Variants in C4orf50 observed in about 807,000 individuals in gnomAD.
C4orf50 encodes the protein chromosome 4 open reading frame 50, also known as uncharacterized protein C4orf50.
C4orf50 carries 80 observed loss-of-function variants against 77.2 expected under a neutral mutation model. That is an observed-to-expected ratio of 1.04 (90% confidence interval 0.87 to 1.25). The LOEUF (loss-of-function observed/expected upper bound fraction) is 1.25. C4orf50 is among the 50% of genes most tolerant of loss of function. C4orf50 has a pLI of 0.00. For missense variants in C4orf50, 1,257 were observed against 1,152.9 expected, an observed-to-expected ratio of 1.09 and a Z score of -1.31; for synonymous variants, 532 against 465.3, an observed-to-expected ratio of 1.14 and a Z score of -1.84.
chr4:5,968,348 C>T (rs1432308227), intron 31 of C4orf50, among the ~76,000 whole-genome samples: 5 of 152,186 alleles, frequency 3.3e-5, no homozygotes, highest in African/African-American at 1.2e-4. Flanking sequence ...CTATGAGGGT[C>T]CCCTCTAACC....
intron 28 of C4orf50, among the ~76,000 whole-genome samples, chr4:5,987,267 C>T (rs1273837993): frequency 1.3e-5 from 2 of 151,502 alleles, no homozygotes; most frequent in Non-Finnish European, 2.9e-5. Context: ...AAAAACTAGC[C>T]GGGCATGGCG....
rs982336372 is a variant in C4orf50 at position 5,932,974 on chromosome 4, C to T, written c.*2474+23927G>A. 1.4e-4 allele frequency among the ~76,000 whole-genome samples: 22 copies of T among 152,218 alleles called. No individual in the cohort carries two copies. Among genetic ancestry groups the T allele is most frequent in the African/African-American group, 4.8e-4 (20 of 41,530 alleles). The stretch of plus-strand genomic sequence containing the variant: ...CCATATTATCATTAATATTAAAGAC[C>T]GTCATTTTCTCTCTGCCTTATAATT... On this transcript the variant is annotated intron_variant, in intron 7 of 7. Coordinates refer to the C4orf50 transcript ENST00000324058. This position sits in a 1 kb window ranked among gnomAD's most constrained non-coding sequence, Gnocchi z 4.2.
chr4:5,987,412 C>CAAAAAAAAAAAAAAAAAAAA (rs58512584), intron 28 of C4orf50, among the ~76,000 whole-genome samples: 10 of 33,640 alleles, frequency 3.0e-4, no homozygotes, highest in Admixed American at 1.2e-3. Context: ...CTCTGTCTCA[C>CAAAAAAAAAAAAAAAAAAAA]AAAAAAAAAA....
At chr4:5,928,361 C>CTT (rs1469398483) in intron 7 of C4orf50, among the ~76,000 whole-genome samples, 1 of 91,794 alleles carries the variant, frequency 1.1e-5, no homozygotes, top group Non-Finnish European at 2.7e-5. Context: ...CACACACACA[C>CTT]ATACACACAC....
chr4:5,917,839 G>A (rs1036821661), intron 7 of C4orf50, among the ~76,000 whole-genome samples: 4 of 152,080 alleles, frequency 2.6e-5, no homozygotes, highest in African/African-American at 9.7e-5. Context: ...GGTTTGCACA[G>A]GTCATTAGAA....
intron 23 of C4orf50, among the ~76,000 whole-genome samples, chr4:6,016,500 G>C (rs1029117382): frequency 2.0e-5 from 3 of 152,186 alleles, no homozygotes; most frequent in Admixed American, 6.5e-5. Flanking sequence ...AGTGAGCCAA[G>C]ATTATGTCAC....
Position 5,971,701 on chromosome 4 carries a change from G to A in C4orf50, c.4104+1958C>T, listed in dbSNP as rs190101292. On this transcript the variant is annotated intron_variant, in intron 31 of 33. Coordinates refer to ENST00000531445, the Ensembl canonical transcript of C4orf50. ...TAACTCAACTATAGGGAGAGAATAC[G>A]CTGACAATTTTTCATCCATTCATCA... Among the ~76,000 whole-genome samples the A allele has an allele frequency of 3.5e-3, 534 of 152,288 alleles. 8 individuals are homozygous for A. Among genetic ancestry groups the A allele is most frequent in the Admixed American group, 0.027 (417 of 15,296 alleles).
intron 7 of C4orf50, among the ~76,000 whole-genome samples, chr4:5,912,336 A>G (rs940699524): frequency 6.6e-6 from 1 of 151,996 alleles, no homozygotes; most frequent in South Asian, 2.1e-4. Context: ...GAATGGATGC[A>G]TGAATGAATG....
At chr4:5,963,480 CTCT>C (rs749104214) in intron 33 of C4orf50, among the ~76,000 whole-genome samples, 1 of 151,904 alleles carries the variant, frequency 6.6e-6, no homozygotes, top group Non-Finnish European at 1.5e-5. Context: ...TTAATACCTC[CTCT>C]ATTTTTGATT....
intron 28 of C4orf50, among the ~76,000 whole-genome samples, chr4:5,987,404 C>G (rs1720925178): frequency 2.4e-5 from 1 of 41,824 alleles, no homozygotes; most frequent in Non-Finnish European, 3.8e-5. Flanking sequence ...GAGCGAGACT[C>G]TGTCTCACAA....
intron 23 of C4orf50, among the ~76,000 whole-genome samples, chr4:6,012,404 A>G (rs1722528452): frequency 6.6e-6 from 1 of 152,182 alleles, no homozygotes; most frequent in Non-Finnish European, 1.5e-5. Flanking sequence ...AAAGCCACAC[A>G]GCATTATAGA....
At chr4:5,934,222 G>A (rs1416640121) in intron 7 of C4orf50, among the ~76,000 whole-genome samples, 1 of 152,090 alleles carries the variant, frequency 6.6e-6, no homozygotes, top group African/African-American at 2.4e-5. Context: ...GACAGTGTTT[G>A]GCGGCGACAC....
In C4orf50 at chr4:6,009,764, G is replaced by A. The variant is rs994321625; in HGVS notation, c.427-1232C>T. On this transcript the variant is annotated intron_variant, in intron 24 of 33. Transcript: ENST00000531445. The surrounding 1 kb of genome is among the most constrained non-coding windows in gnomAD (Gnocchi z 5.6). ...TCGCTCAAGCACTCCTGCAAAACTC[G>A]CTTCAAAATACAGATGTTTGCAGCG... is the stretch of plus-strand genomic sequence containing the variant. Among the ~76,000 whole-genome samples the A allele has an allele frequency of 6.6e-6, 1 of 152,158 alleles. No homozygotes were observed. The highest frequency in any genetic ancestry group is 2.4e-5 in the African/African-American group (1 of 41,440).
At chr4:5,913,980 A>C (rs1716920014) in intron 7 of C4orf50, among the ~76,000 whole-genome samples, 1 of 152,226 alleles carries the variant, frequency 6.6e-6, no homozygotes. Flanking sequence ...CCGGCAGCCC[A>C]AATGTTCAAT....
Position 5,959,361 on chromosome 4 carries a change from A to G in C4orf50, c.*14T>C. 1 of 1,607,524 alleles carries G rather than the reference A, an allele frequency of 6.2e-7. No homozygotes were observed. Among genetic ancestry groups the G allele is most frequent in the South Asian group, 1.1e-5 (1 of 90,914 alleles). On this transcript the variant is annotated 3_prime_UTR_variant, in exon 34 of 34. Transcript: ENST00000531445. ...TGGAGTCTATGAAATGGCTCCGGAG[A>G]ATGAGTGGCCCTATTACATTTCTAA...
At chr4:5,998,088 T>C (rs1721674988) in intron 25 of C4orf50, among the ~76,000 whole-genome samples, 2 of 152,214 alleles carry the variant, frequency 1.3e-5, no homozygotes, top group South Asian at 4.1e-4. Context: ...CATAAACCTT[T>C]TTTAAAGGCA....
At chr4:5,907,918 G>T (rs924848718) in intron 7 of C4orf50, among the ~76,000 whole-genome samples, 11 of 152,166 alleles carry the variant, frequency 7.2e-5, no homozygotes, top group African/African-American at 2.7e-4. Context: ...ATGAGGCAGA[G>T]GAGAGTACTC....
rs1376838102 is a variant in C4orf50, at chr4:5,992,233, G to C, written c.1221+570C>G. ...TGTGAATGAATGAAGAGATGATGGA[G>C]GGCCTCTCTATTTACAACCACACAA... On this transcript the variant is annotated intron_variant, in intron 27 of 33. Transcript: ENST00000531445. This position sits in a 1 kb window ranked among gnomAD's most constrained non-coding sequence, Gnocchi z 5.0. Among the ~76,000 whole-genome samples, 1 of 152,204 alleles carries C rather than the reference G, an allele frequency of 6.6e-6. No individual in the cohort carries two copies. Among genetic ancestry groups the C allele is most frequent in the Non-Finnish European group, 1.5e-5 (1 of 68,044 alleles).
intron 23 of C4orf50, among the ~76,000 whole-genome samples, chr4:6,016,994 G>A (rs985146635): frequency 2.0e-5 from 3 of 152,118 alleles, no homozygotes; most frequent in South Asian, 2.1e-4. Flanking sequence ...GCTGGGTTTC[G>A]CTGATCTATA....
Sources: allele counts gnomAD v4.1 joint callset (sites outside exome capture counted in the v4.1 genomes callset), GRCh38; gene constraint gnomAD v4.1.1; non-coding constraint Gnocchi (gnomAD v3.1); transcripts MANE v1.5; gene names NCBI Gene and HGNC (gene_info 2026-07-23, HGNC 2026-07-21).